Variants in GRAMD1B observed in about 807,000 individuals in gnomAD.
GRAMD1B encodes the protein protein Aster-B.
In GRAMD1B, 37 loss-of-function variants were observed where a neutral mutation model predicts 99.7. The ratio of observed to expected loss-of-function variants is 0.37; its 90% CI spans 0.29 to 0.49. GRAMD1B has a LOEUF of 0.49. Ranked by LOEUF, GRAMD1B falls within the 20% of genes least tolerant of loss-of-function variation. The pLI is 0.98. For synonymous variants in GRAMD1B, 427 were observed against 387.6 expected (o/e 1.10, Z -1.19); for missense variants, 888 against 1,009.2 (o/e 0.88, Z 1.63).
chr11:123,618,005 G>A (rs984921350), intron 17 of GRAMD1B, among the ~76,000 whole-genome samples: 3 of 152,198 alleles, frequency 2.0e-5, no homozygotes. Context: ...CAGCTTGCGG[G>A]AAGTTCTGCT....
chr11:123,591,363 G>A lies in GRAMD1B; in HGVS notation c.685-2719G>A. On this transcript the variant is annotated intron_variant, in intron 4 of 19. Coordinates refer to ENST00000635736, the MANE Select transcript of GRAMD1B (RefSeq NM_001387025.1). The surrounding 1 kb of genome is among the most constrained non-coding windows in gnomAD (Gnocchi z 4.7). ...TCGGGAGTCAGTGCTCAGGGAGCCA[G>A]GCGTCGTTGGGAGGGGCAGCCGTGC... 2.5e-6 allele frequency: 1 copy of A among 399,160 alleles called. No individual in the cohort carries two copies. 24.7% of individuals were successfully genotyped at this position (399,160 alleles called of 1,614,324 possible).
At chr11:123,560,524 G>C (rs1946618157) in intron 2 of GRAMD1B, 1 of 1,266,702 alleles carries the variant, frequency 7.9e-7, no homozygotes, top group Non-Finnish European at 1.0e-6. Flanking sequence ...GGATGGTCAT[G>C]GAGGTGAGTG....
chr11:123,550,127 C>T lies in GRAMD1B; in HGVS notation c.453-27240C>T, dbSNP rs544113038. 7.2e-5 allele frequency among the ~76,000 whole-genome samples: 11 copies of T among 152,190 alleles called. 1 individual carries two copies. The South Asian group carries it at 2.3e-3, about 32-fold the overall frequency. On this transcript the variant is annotated intron_variant, in intron 2 of 19. Coordinates refer to ENST00000635736, the MANE Select transcript of GRAMD1B (RefSeq NM_001387025.1). ...GGGAAGTTCTCTAAGTAACTCACAT[C>T]CGTGAGCGCTCCTGATTGCCCTCTG...
intron 1 of GRAMD1B, among the ~76,000 whole-genome samples, chr11:123,403,871 C>T (rs1947761767): frequency 6.6e-6 from 1 of 152,076 alleles, no homozygotes; most frequent in African/African-American, 2.4e-5. Context: ...ATCACCCAAC[C>T]GTGACTCTCC....
intron 1 of GRAMD1B, among the ~76,000 whole-genome samples, chr11:123,474,245 CT>C (rs200143674): frequency 0.027 from 3,867 of 145,640 alleles, 140 homozygotes; most frequent in African/African-American, 0.087. Flanking sequence ...GCAATGTTTT[CT>C]TTTTTTTAAC....
chr11:123,548,325 TACACACACACACACACACACAC>T (rs138083511), intron 2 of GRAMD1B, among the ~76,000 whole-genome samples: 11 of 86,880 alleles, frequency 1.3e-4, no homozygotes, highest in Non-Finnish European at 1.7e-4. Context: ...TATATATATA[TACACACACACACACACACACAC>T]ACATATATAT....
intron 19 of GRAMD1B, among the ~76,000 whole-genome samples, chr11:123,620,228 C>T (rs956351101): frequency 1.6e-4 from 24 of 152,138 alleles, no homozygotes; most frequent in African/African-American, 5.8e-4. Context: ...AATCCCAGCA[C>T]TTTGAGAGGC....
At chr11:123,445,543 C>T (rs1462450006) in intron 1 of GRAMD1B, among the ~76,000 whole-genome samples, 2 of 152,028 alleles carry the variant, frequency 1.3e-5, no homozygotes, top group Non-Finnish European at 2.9e-5. Context: ...GGGCCTGGCG[C>T]AGTGGCTTAC....
intron 2 of GRAMD1B, among the ~76,000 whole-genome samples, chr11:123,547,148 G>A (rs1945105306): frequency 6.6e-6 from 1 of 152,180 alleles, no homozygotes; most frequent in Admixed American, 6.5e-5. Context: ...TGGAAATTGG[G>A]CTGAGCGAGA....
At chr11:123,393,041 A>G (rs894585185) in intron 1 of GRAMD1B, among the ~76,000 whole-genome samples, 1 of 152,246 alleles carries the variant, frequency 6.6e-6, no homozygotes, top group Non-Finnish European at 1.5e-5. Flanking sequence ...TCTCCAGATA[A>G]TATGATAATT....
chr11:123,531,974 TA>T (rs1335618690), intron 2 of GRAMD1B, among the ~76,000 whole-genome samples: 1 of 152,116 alleles, frequency 6.6e-6, no homozygotes, highest in Non-Finnish European at 1.5e-5. Context: ...CAACCTCAGG[TA>T]ATCTGCCCAC....
chr11:123,417,791 G>C (rs1014414437), intron 1 of GRAMD1B, among the ~76,000 whole-genome samples: 8 of 152,154 alleles, frequency 5.3e-5, no homozygotes, highest in African/African-American at 7.2e-5. Flanking sequence ...ATAAAAATGA[G>C]TCTGGTGTGG....
At chr11:123,499,183 G>A (rs954278466) in intron 2 of GRAMD1B, among the ~76,000 whole-genome samples, 1 of 152,102 alleles carries the variant, frequency 6.6e-6, no homozygotes, top group Admixed American at 6.5e-5. Context: ...AGGTCATCAG[G>A]GTGGAGCCCC....
At chr11:123,543,115 T>G (rs964833893) in intron 2 of GRAMD1B, among the ~76,000 whole-genome samples, 17 of 152,206 alleles carry the variant, frequency 1.1e-4, no homozygotes, top group African/African-American at 3.1e-4. Context: ...ATTGTCATTT[T>G]GCAGTGCTCG....
chr11:123,382,144 A>G (rs1235030742), intron 1 of GRAMD1B, among the ~76,000 whole-genome samples: 2 of 152,232 alleles, frequency 1.3e-5, no homozygotes, highest in African/African-American at 4.8e-5. Flanking sequence ...AGGGAGTTCA[A>G]GGAAGCAGCA....
chr11:123,504,444 ACCT>A (rs1940214044), intron 2 of GRAMD1B, among the ~76,000 whole-genome samples: 1 of 151,896 alleles, frequency 6.6e-6, no homozygotes, highest in Non-Finnish European at 1.5e-5. Context: ...AATTCTCACC[ACCT>A]GTGTTCCTCC....
At chr11:123,582,320 C>T (rs1428751483) in intron 3 of GRAMD1B, among the ~76,000 whole-genome samples, 1 of 152,242 alleles carries the variant, frequency 6.6e-6, no homozygotes, top group Non-Finnish European at 1.5e-5. Flanking sequence ...GTAGCCTTGG[C>T]TGCAATGCCT....
intron 2 of GRAMD1B, among the ~76,000 whole-genome samples, chr11:123,538,194 A>T (rs1188014239): frequency 6.6e-6 from 1 of 151,932 alleles, no homozygotes; most frequent in Non-Finnish European, 1.5e-5. Flanking sequence ...CTCCTCTCCC[A>T]GTCATTTATA....
At chr11:123,621,956 CTTCT>C (rs1209124756) in intron 19 of GRAMD1B, among the ~76,000 whole-genome samples, 3 of 37,088 alleles carry the variant, frequency 8.1e-5, no homozygotes, top group East Asian at 2.8e-3. Flanking sequence ...TTCTTTCTTT[CTTCT>C]TTCTTTCTTT....
Sources: gnomAD v4.1 joint callset for allele counts (sites outside exome capture counted in the v4.1 genomes callset) on GRCh38, gnomAD v4.1.1 for gene constraint, Gnocchi (gnomAD v3.1) non-coding constraint, MANE v1.5 for transcripts, NCBI Gene and HGNC (gene_info 2026-07-23, HGNC 2026-07-21) for gene names.